ADAMTS17: variants seen among roughly 807,000 people sequenced by gnomAD.
ADAMTS17 encodes A disintegrin and metalloproteinase with thrombospondin motifs 17.
In ADAMTS17, 113 loss-of-function variants were observed where a neutral mutation model predicts 141.5. That is an observed-to-expected ratio of 0.80 (90% CI 0.69 to 0.93). ADAMTS17 has a LOEUF of 0.93. Among genes scored for constraint, ADAMTS17 ranks in the 40% least tolerant of loss-of-function variants. ADAMTS17 has a pLI of 0.00. For missense variants in ADAMTS17, 1,659 were observed against 1,517.9 expected (o/e 1.09, Z -1.54); for synonymous variants, 768 against 630.6 (o/e 1.22, Z -3.27).
chr15:100,300,280 T>C (rs756126987), intron 3 of ADAMTS17, among the ~76,000 whole-genome samples: 12 of 152,018 alleles, frequency 7.9e-5, no homozygotes, highest in Admixed American at 1.3e-4. Context: ...CAACCAACCA[T>C]AGGCTTAGGG....
chr15:100,185,181 G>A (rs1161479113), intron 8 of ADAMTS17, among the ~76,000 whole-genome samples: 3 of 150,404 alleles, frequency 2.0e-5, no homozygotes, highest in Non-Finnish European at 4.4e-5. Flanking sequence ...CTGGGACCAT[G>A]GCAAGTTGCT....
At position 100,142,953 on chromosome 15, in the gene ADAMTS17, T is replaced by C. The variant is rs1370142269; in HGVS notation, c.1474-9638A>G. On this transcript the variant is annotated intron_variant, in intron 10 of 21. Transcript: ENST00000268070. ...ATGCTATGACATACAGGCACATATA[T>C]GCTCGTGGCAACTAACAAGAAGAGT... Among the ~76,000 whole-genome samples the C allele has an allele frequency of 3.9e-5, 6 of 152,354 alleles. No homozygotes were observed. The East Asian group carries it at 1.2e-3, about 29-fold the overall frequency.
At chr15:100,241,233 C>CTA (rs1464497467) in intron 7 of ADAMTS17, among the ~76,000 whole-genome samples, 3 of 152,172 alleles carry the variant, frequency 2.0e-5, no homozygotes, top group Non-Finnish European at 4.4e-5. Flanking sequence ...AACTCCAAGA[C>CTA]TACTTTTTAA....
At chr15:100,285,553 G>A (rs2044418928) in intron 3 of ADAMTS17, among the ~76,000 whole-genome samples, 1 of 152,200 alleles carries the variant, frequency 6.6e-6, no homozygotes, top group Non-Finnish European at 1.5e-5. Flanking sequence ...TTTACTTTCT[G>A]CTACACAAGA....
chr15:100,090,012 T>C (rs1353839569), intron 15 of ADAMTS17, among the ~76,000 whole-genome samples: 1 of 147,240 alleles, frequency 6.8e-6, no homozygotes, highest in African/African-American at 2.5e-5. Flanking sequence ...AAAAACAAAA[T>C]AAAATTCAGA....
chr15:100,119,339 T>A (rs560833389), intron 12 of ADAMTS17, among the ~76,000 whole-genome samples: 1 of 152,112 alleles, frequency 6.6e-6, no homozygotes, highest in South Asian at 2.1e-4. Flanking sequence ...ACATGCAGAC[T>A]AAGGGAAAGC....
At chr15:100,020,389 T>C (rs535021179) in intron 18 of ADAMTS17, among the ~76,000 whole-genome samples, 16 of 152,276 alleles carry the variant, frequency 1.1e-4, no homozygotes, top group African/African-American at 3.8e-4. Flanking sequence ...GCAACTGTGT[T>C]CGAAGGGGCA....
At chr15:100,323,800 A>G (rs966725787) in intron 3 of ADAMTS17, among the ~76,000 whole-genome samples, 2 of 152,204 alleles carry the variant, frequency 1.3e-5, no homozygotes, top group African/African-American at 4.8e-5. Flanking sequence ...TGCAAGCTGC[A>G]CAGCATAAAA....
intron 3 of ADAMTS17, among the ~76,000 whole-genome samples, chr15:100,319,954 C>T (rs976917508): frequency 2.0e-5 from 3 of 151,588 alleles, no homozygotes; most frequent in African/African-American, 4.9e-5. Flanking sequence ...CATAAAAGAT[C>T]TAAAGTGATA....
chr15:100,233,378 G>C (rs974760280), intron 7 of ADAMTS17, among the ~76,000 whole-genome samples: 1 of 151,782 alleles, frequency 6.6e-6, no homozygotes, highest in East Asian at 1.9e-4. Context: ...AGTCATATAA[G>C]TCGCCGTTTT....
intron 10 of ADAMTS17, among the ~76,000 whole-genome samples, chr15:100,135,826 C>T (rs1253337125): frequency 6.6e-6 from 1 of 152,150 alleles, no homozygotes; most frequent in Admixed American, 6.5e-5. Context: ...TGAAAAGGTG[C>T]TCAACTTCTT....
chr15:100,203,081 T>G (rs74037553), intron 7 of ADAMTS17, among the ~76,000 whole-genome samples: 29,811 of 152,056 alleles, frequency 0.2, 3,325 homozygotes, highest in East Asian at 0.39. Context: ...TCTAATGGGC[T>G]TGACTGCTCT....
chr15:100,100,269 T>G (rs1243176477), intron 14 of ADAMTS17, among the ~76,000 whole-genome samples: 1 of 152,200 alleles, frequency 6.6e-6, no homozygotes, highest in East Asian at 1.9e-4. Flanking sequence ...TCCTCTTGCT[T>G]CTTCGACTCC....
At chr15:100,241,120 G>A (rs771368098) in intron 7 of ADAMTS17, among the ~76,000 whole-genome samples, 1 of 151,482 alleles carries the variant, frequency 6.6e-6, no homozygotes, top group Non-Finnish European at 1.5e-5. Flanking sequence ...CCCTACACCT[G>A]GCCTATCTGG....
chr15:100,004,475 G>C (rs1333355020), intron 18 of ADAMTS17, among the ~76,000 whole-genome samples: 1 of 152,182 alleles, frequency 6.6e-6, no homozygotes, highest in Non-Finnish European at 1.5e-5. Flanking sequence ...GAAAGGAACT[G>C]TAGTTCCGTA....
At chr15:99,984,877 CTCTGA>C (rs2060553744) in intron 20 of ADAMTS17, among the ~76,000 whole-genome samples, 1 of 152,264 alleles carries the variant, frequency 6.6e-6, no homozygotes, top group South Asian at 2.1e-4. Context: ...CTTCCCCGCT[CTCTGA>C]TCTCTCACTC....
At chr15:100,146,680 T>C (rs1000333832) in intron 10 of ADAMTS17, among the ~76,000 whole-genome samples, 3 of 152,282 alleles carry the variant, frequency 2.0e-5, no homozygotes, top group Non-Finnish European at 2.9e-5. Context: ...CAGAGCCATA[T>C]TTCTCTTCTT....
At chr15:100,094,176 T>G (rs1194833748) in intron 15 of ADAMTS17, among the ~76,000 whole-genome samples, 1 of 152,176 alleles carries the variant, frequency 6.6e-6, no homozygotes, top group African/African-American at 2.4e-5. Context: ...GAAGCGAACG[T>G]GTGCTTATTT....
rs1338617562 is a variant in ADAMTS17 at position 100,054,649 on chromosome 15, C to G, written c.2138-595G>C. Among the ~76,000 whole-genome samples, 5 of 152,304 alleles carry G rather than the reference C, an allele frequency of 3.3e-5. No homozygotes were observed. In the East Asian group the frequency reaches 9.7e-4, roughly 29 times the overall value. ...AAGTATGAAGGTTTGGAAACCCTAG[C>G]CACCCACAGATGTGGTGGTCACACT... On this transcript the variant is annotated intron_variant, in intron 15 of 21. Transcript: ENST00000268070.
Sources: allele counts gnomAD v4.1 joint callset (sites outside exome capture counted in the v4.1 genomes callset), GRCh38; gene constraint gnomAD v4.1.1; transcripts MANE v1.5; gene names NCBI Gene and HGNC (gene_info 2026-07-23, HGNC 2026-07-21).